The following CDH23 variants were observed in gnomAD, a reference collection of about 807,000 sequenced individuals.
The protein encoded by CDH23 is cadherin-23.
In CDH23, 189 loss-of-function variants were observed where a neutral mutation model predicts 317.1. The observed-to-expected ratio is 0.60, with a 90% confidence interval of 0.53 to 0.67. The LOEUF (loss-of-function observed/expected upper bound fraction) is 0.67, where lower values mean the gene tolerates loss of function less well. CDH23 is among the 30% of genes least tolerant of loss of function. CDH23 has a pLI of 0.00. For missense variants in CDH23, 4,401 were observed against 4,592.4 expected, an observed-to-expected ratio of 0.96 and a Z score of 1.20; for synonymous variants, 1,839 against 1,876.8, an observed-to-expected ratio of 0.98 and a Z score of 0.52.
intron 34 of CDH23, among the ~76,000 whole-genome samples, chr10:71,735,180 C>A (rs1839524401): frequency 6.6e-6 from 1 of 152,164 alleles, no homozygotes; most frequent in African/African-American, 2.4e-5. Context: ...TAAAGGGGAC[C>A]CCCTCCCTCT....
At chr10:71,398,439 G>GTGTGTA (rs1267341841) in intron 1 of CDH23, among the ~76,000 whole-genome samples, 1 of 134,492 alleles carries the variant, frequency 7.4e-6, no homozygotes, top group Non-Finnish European at 1.5e-5. Context: ...GTGTGTGTGT[G>GTGTGTA]TGTGTGTGTG....
chr10:71,718,906 G>T (rs1186704140), intron 28 of CDH23, among the ~76,000 whole-genome samples: 1 of 139,068 alleles, frequency 7.2e-6, no homozygotes, highest in Non-Finnish European at 1.6e-5. Context: ...ATTTCTGAAA[G>T]AAAAAAAAAA....
intron 1 of CDH23, among the ~76,000 whole-genome samples, chr10:71,403,351 C>CT (rs1352782220): frequency 1.2e-5 from 1 of 86,086 alleles, no homozygotes; most frequent in Non-Finnish European, 2.1e-5. Context: ...TTCTTTCTTT[C>CT]TTTCTTTCTT....
intron 14 of CDH23, among the ~76,000 whole-genome samples, chr10:71,664,397 C>A (rs1321653045): frequency 6.6e-6 from 1 of 152,224 alleles, no homozygotes; most frequent in Non-Finnish European, 1.5e-5. Flanking sequence ...GGGCCTCACA[C>A]CTCGAGAGCA....
At chr10:71,658,080 A>G (rs956994241) in intron 14 of CDH23, among the ~76,000 whole-genome samples, 2 of 152,036 alleles carry the variant, frequency 1.3e-5, no homozygotes, top group African/African-American at 4.8e-5. Flanking sequence ...TCTCCCTCAG[A>G]GGGGCTGGGG....
intron 38 of CDH23, chr10:71,748,507 G>A (rs1839909099): frequency 6.6e-6 from 1 of 152,302 alleles, no homozygotes; most frequent in Non-Finnish European, 1.5e-5. Flanking sequence ...CTCTCCCTGG[G>A]AGGGAATAAA....
rs1589376102 is a variant in CDH23, at chr10:71,725,268, C to T, written c.3431-104C>T. ...TCCCAGAAGACCCGCAGCCTCCTCACAAGGAGGGGACTGGTGAACTTCTGC... is the reference window on the plus strand; with the variant it reads ...TCCCAGAAGACCCGCAGCCTCCTCATAAGGAGGGGACTGGTGAACTTCTGC... On this transcript the variant is annotated intron_variant, in intron 29 of 69. Coordinates refer to ENST00000224721, the MANE Select transcript of CDH23 (RefSeq NM_022124.6). The T allele has an allele frequency of 3.2e-6, 5 of 1,539,458 alleles. No homozygotes were observed. In the East Asian group the frequency reaches 9.0e-5, roughly 28 times the overall value.
rs1407351968 is a variant in CDH23, at chr10:71,695,491, T to A, written c.2363T>A (p.Val788Glu). 1 of 1,613,474 alleles carries A rather than the reference T, an allele frequency of 6.2e-7. No individual in the cohort carries two copies. The highest frequency in any genetic ancestry group is 2.2e-5 in the East Asian group (1 of 44,884). ...GACGCACCCTACTACATCAACCTGG[T>A]GGAGATGACCCCTCCAGACTCTGAT... ...WKDAPYYINL[V>E]EMTPPDSDVT... is the part of the protein sequence containing the mutation. The change falls in exon 22 of 70, where the codon GTG becomes GAG. Residue 788 changes from valine to glutamate, a missense_variant. Transcript: ENST00000224721.
chr10:71,508,749 C>G (rs1298735299), intron 3 of CDH23, among the ~76,000 whole-genome samples: 1 of 152,200 alleles, frequency 6.6e-6, no homozygotes, highest in South Asian at 2.1e-4. Context: ...GGCCATGGCT[C>G]CGATCTCCTC....
intron 9 of CDH23, 68 bp downstream of exon 9, chr10:71,578,060 A>C (rs898642218): frequency 3.4e-6 from 5 of 1,451,768 alleles, no homozygotes; most frequent in Non-Finnish European, 3.8e-6. Context: ...GCCAGTAGGC[A>C]TCTCAGGCTC....
At chr10:71,646,320 GCA>G in intron 13 of CDH23, 137 bp from the exon 14 acceptor site, 1 of 1,340,738 alleles carries the variant, frequency 7.5e-7, no homozygotes, top group South Asian at 1.4e-5. Flanking sequence ...GCTCGCAGTA[GCA>G]CAGAGCTGGG....
chr10:71,784,553 TG>T, intron 42 of CDH23, 133 bp downstream of exon 42: 9 of 1,252,802 alleles, frequency 7.2e-6, no homozygotes, highest in Non-Finnish European at 9.8e-6. Context: ...GGCCTGCCCC[TG>T]GGGCCCTTAA....
chr10:71,596,648 G>T (rs1859867940), intron 9 of CDH23, among the ~76,000 whole-genome samples: 1 of 152,204 alleles, frequency 6.6e-6, no homozygotes, highest in Admixed American at 6.5e-5. Flanking sequence ...AGCATGAGGG[G>T]TAACCAGGAG....
At chr10:71,466,569 CAT>C (rs1380392297) in intron 3 of CDH23, among the ~76,000 whole-genome samples, 1 of 152,116 alleles carries the variant, frequency 6.6e-6, no homozygotes, top group Non-Finnish European at 1.5e-5. Context: ...CACATGTGTG[CAT>C]GTGTGAGTGT....
chr10:71,570,650 G>A, intron 7 of CDH23, 140 bp from the exon 8 acceptor site: 1 of 904,436 alleles, frequency 1.1e-6, no homozygotes, highest in Non-Finnish European at 1.7e-6. Flanking sequence ...TGGAGTGCAA[G>A]AGCATGGGTG....
At chr10:71,456,452 C>T (rs1850702028) in intron 3 of CDH23, among the ~76,000 whole-genome samples, 1 of 142,598 alleles carries the variant, frequency 7.0e-6, no homozygotes, top group African/African-American at 3.1e-5. Context: ...GCTGTAGCCA[C>T]TCCCAAGCGG....
At chr10:71,643,620 C>T (rs1243150833) in intron 11 of CDH23, among the ~76,000 whole-genome samples, 2 of 151,950 alleles carry the variant, frequency 1.3e-5, no homozygotes, top group Non-Finnish European at 2.9e-5. Flanking sequence ...CATGCTTGTC[C>T]CTCTTCTTCA....
chr10:71,492,420 C>T (rs1481164472), intron 3 of CDH23, among the ~76,000 whole-genome samples: 5 of 152,198 alleles, frequency 3.3e-5, no homozygotes, highest in Admixed American at 3.3e-4. Context: ...AACTAAAGAA[C>T]ATCCATCCCA....
At chr10:71,595,188 A>G (rs1480274966) in intron 9 of CDH23, among the ~76,000 whole-genome samples, 3 of 152,222 alleles carry the variant, frequency 2.0e-5, no homozygotes, top group African/African-American at 4.8e-5. Context: ...GTTCATTGAC[A>G]TCACCTAGAG....
Sources: gnomAD v4.1 joint callset for allele counts (sites outside exome capture counted in the v4.1 genomes callset) on GRCh38, gnomAD v4.1.1 for gene constraint, MANE v1.5 for transcripts, NCBI Gene and HGNC (gene_info 2026-07-23, HGNC 2026-07-21) for gene names.